The following KCNQ5 variants were observed in gnomAD, a reference collection of about 807,000 sequenced individuals.
The protein encoded by KCNQ5 is potassium voltage-gated channel subfamily KQT member 5.
In KCNQ5, 30 loss-of-function variants were observed where a neutral mutation model predicts 98.2. That is an observed-to-expected ratio of 0.31 (90% CI 0.23 to 0.41). KCNQ5 has a LOEUF of 0.41. KCNQ5 is among the 10% of genes least tolerant of loss of function. The pLI, the probability that KCNQ5 is intolerant of heterozygous loss-of-function variation, is 1.00. For missense variants in KCNQ5, 835 were observed against 1,182.5 expected, an observed-to-expected ratio of 0.71 and a Z score of 4.31; for synonymous variants, 458 against 449.4, an observed-to-expected ratio of 1.02 and a Z score of -0.24.
chr6:73,045,537 G>C (rs961506746), intron 3 of KCNQ5, among the ~76,000 whole-genome samples: 5 of 152,188 alleles, frequency 3.3e-5, no homozygotes, highest in African/African-American at 4.8e-5. Context: ...GACCACCCAA[G>C]CTGCCCTTCA....
In KCNQ5 at chr6:73,035,287, A is replaced by G. The variant is rs186944774; in HGVS notation, c.490-6649A>G. ...TGAGTGATAAAAATAATACACATTTATTGTCTTTGCTTTTGTAAAGAGTTA... is the reference window on the plus strand; with the variant it reads ...TGAGTGATAAAAATAATACACATTTGTTGTCTTTGCTTTTGTAAAGAGTTA... On this transcript the variant is annotated intron_variant, in intron 2 of 13. Coordinates refer to ENST00000370398, the MANE Select transcript of KCNQ5 (RefSeq NM_019842.4). Among the ~76,000 whole-genome samples the G allele has an allele frequency of 2.2e-3, 328 of 152,308 alleles. 1 individual carries two copies. The highest frequency in any genetic ancestry group is 3.6e-3 in the Non-Finnish European group (243 of 68,008).
At chr6:72,692,026 G>T (rs1464211077) in intron 1 of KCNQ5, among the ~76,000 whole-genome samples, 2 of 152,192 alleles carry the variant, frequency 1.3e-5, no homozygotes, top group African/African-American at 2.4e-5. Context: ...TATAGAATGT[G>T]TTATAACAGT....
chr6:72,661,329 G>C (rs556757206), intron 1 of KCNQ5, among the ~76,000 whole-genome samples: 1 of 152,104 alleles, frequency 6.6e-6, no homozygotes, highest in East Asian at 1.9e-4. Flanking sequence ...TATCTCCATA[G>C]TTTTTCTTTA....
chr6:73,123,899 A>G (rs567017988), intron 8 of KCNQ5, among the ~76,000 whole-genome samples: 2 of 152,218 alleles, frequency 1.3e-5, no homozygotes, highest in Non-Finnish European at 2.9e-5. Context: ...CAAAGAGTAC[A>G]GACCCTACAC....
rs141429253 is a variant in KCNQ5 at position 73,160,017 on chromosome 6, G to T, written c.1469-9729G>T. ...TTTTTGTTTGTTTGTTTGTTTGTTT[G>T]TTTGTTTGTTTTTTGAGACAGAGTC... On this transcript the variant is annotated intron_variant, in intron 10 of 13. Coordinates refer to ENST00000370398, the MANE Select transcript of KCNQ5 (RefSeq NM_019842.4). Among the ~76,000 whole-genome samples the T allele has an allele frequency of 4.2e-3, 617 of 147,582 alleles. 3 individuals carry two copies. The highest frequency in any genetic ancestry group is 0.014 in the African/African-American group (578 of 41,136).
chr6:73,035,884 T>C (rs1462942340), intron 2 of KCNQ5, among the ~76,000 whole-genome samples: 2 of 152,050 alleles, frequency 1.3e-5, no homozygotes, highest in African/African-American at 2.4e-5. Flanking sequence ...CCGCAAAATG[T>C]AACATTTTGT....
chr6:72,661,726 T>C (rs1227472466), intron 1 of KCNQ5, among the ~76,000 whole-genome samples: 1 of 152,158 alleles, frequency 6.6e-6, no homozygotes, highest in African/African-American at 2.4e-5. Flanking sequence ...CTTAACTAGT[T>C]TCGTTGGCTT....
intron 1 of KCNQ5, among the ~76,000 whole-genome samples, chr6:72,922,930 AC>A (rs1479324672): frequency 2.1e-5 from 3 of 141,978 alleles, no homozygotes; most frequent in African/African-American, 5.2e-5. Context: ...TCCTGCCTCA[AC>A]CCCCCAAGTA....
At chr6:73,118,248 G>C (rs1171901280) in intron 7 of KCNQ5, among the ~76,000 whole-genome samples, 1 of 152,090 alleles carries the variant, frequency 6.6e-6, no homozygotes, top group African/African-American at 2.4e-5. Context: ...GTTTTCCCTG[G>C]TTTTTGTACG....
chr6:72,802,645 T>G (rs896592444), intron 1 of KCNQ5, among the ~76,000 whole-genome samples: 7 of 152,096 alleles, frequency 4.6e-5, no homozygotes, highest in African/African-American at 1.7e-4. Context: ...GAAGATGAGC[T>G]TTTTGCACAT....
At chr6:72,853,698 C>T (rs1364629842) in intron 1 of KCNQ5, among the ~76,000 whole-genome samples, 1 of 152,136 alleles carries the variant, frequency 6.6e-6, no homozygotes, top group Non-Finnish European at 1.5e-5. Flanking sequence ...CATCCAACAG[C>T]AGGAATGAAG....
At chr6:72,739,435 C>T (rs1771015664) in intron 1 of KCNQ5, among the ~76,000 whole-genome samples, 1 of 152,190 alleles carries the variant, frequency 6.6e-6, no homozygotes, top group East Asian at 1.9e-4. Flanking sequence ...TAAATTTTAC[C>T]ACATCCTGTT....
chr6:72,894,748 G>A (rs1779180284), intron 1 of KCNQ5, among the ~76,000 whole-genome samples: 1 of 152,084 alleles, frequency 6.6e-6, no homozygotes, highest in South Asian at 2.1e-4. Flanking sequence ...AAGAAAATTT[G>A]CCTTACATAG....
At chr6:72,837,766 T>C (rs1428956788) in intron 1 of KCNQ5, among the ~76,000 whole-genome samples, 1 of 152,042 alleles carries the variant, frequency 6.6e-6, no homozygotes, top group Non-Finnish European at 1.5e-5. Context: ...TAAACATATA[T>C]ATGTTTAAAC....
At chr6:73,158,099 G>C in intron 10 of KCNQ5, 3 of 482,910 alleles carry the variant, frequency 6.2e-6, no homozygotes, top group South Asian at 5.7e-5. Flanking sequence ...GCCAGTACAG[G>C]TGCTGCCGCC....
chr6:72,704,017 T>C (rs1768951971), intron 1 of KCNQ5, among the ~76,000 whole-genome samples: 1 of 152,180 alleles, frequency 6.6e-6, no homozygotes, highest in Non-Finnish European at 1.5e-5. Flanking sequence ...TCTACGAAAA[T>C]AAAAATGAGT....
chr6:73,173,474 A>T (rs1469863860), intron 11 of KCNQ5, among the ~76,000 whole-genome samples: 1 of 152,218 alleles, frequency 6.6e-6, no homozygotes. Flanking sequence ...ACTGTCTTAA[A>T]AATATAGCCC....
intron 1 of KCNQ5, among the ~76,000 whole-genome samples, chr6:72,759,885 C>T (rs769002621): frequency 1.1e-4 from 17 of 152,022 alleles, no homozygotes; most frequent in Non-Finnish European, 1.6e-4. Context: ...TTCACACACA[C>T]GCTCTGGCCT....
chr6:72,830,027 G>A (rs1001118328), intron 1 of KCNQ5, among the ~76,000 whole-genome samples: 1 of 152,076 alleles, frequency 6.6e-6, no homozygotes, highest in African/African-American at 2.4e-5. Context: ...AACATACAAG[G>A]GATGTGAAGG....
Sources: gnomAD v4.1 joint callset for allele counts (sites outside exome capture counted in the v4.1 genomes callset) on GRCh38, gnomAD v4.1.1 for gene constraint, MANE v1.5 for transcripts, NCBI Gene and HGNC (gene_info 2026-07-23, HGNC 2026-07-21) for gene names.